The following MACROD2 variants were observed in gnomAD, a reference collection of about 807,000 sequenced individuals.
MACROD2 encodes mono-ADP ribosylhydrolase 2, also known as ADP-ribose glycohydrolase MACROD2.
In MACROD2, 36 loss-of-function variants were observed where a neutral mutation model predicts 70.4. The observed-to-expected ratio is 0.51, with a 90% CI of 0.39 to 0.68. MACROD2 has a LOEUF of 0.68. Among genes scored for constraint, MACROD2 ranks in the 30% least tolerant of loss-of-function variants. The probability of loss-of-function intolerance (pLI) is 0.00; values close to 1 mark genes in which losing one functional copy is unlikely to be tolerated. For synonymous variants in MACROD2, 172 were observed against 178.8 expected (o/e 0.96, Z 0.30); for missense variants, 496 against 538.4 (o/e 0.92, Z 0.78).
intron 7 of MACROD2, among the ~76,000 whole-genome samples, chr20:15,457,111 G>C (rs1305909000): frequency 7.0e-6 from 1 of 143,100 alleles, no homozygotes. Context: ...TATCCCTTGA[G>C]CTGGATGTAT....
intron 6 of MACROD2, among the ~76,000 whole-genome samples, chr20:15,232,672 T>C (rs961985340): frequency 6.6e-6 from 1 of 152,060 alleles, no homozygotes; most frequent in African/African-American, 2.4e-5. Flanking sequence ...TAAGGAAATA[T>C]CACTTATTTC....
chr20:14,817,909 G>A (rs967835746), intron 5 of MACROD2, among the ~76,000 whole-genome samples: 1 of 152,080 alleles, frequency 6.6e-6, no homozygotes, highest in Non-Finnish European at 1.5e-5. Context: ...AGAAAGCACT[G>A]AGCCAATGAG....
intron 4 of MACROD2, among the ~76,000 whole-genome samples, chr20:14,669,019 A>G (rs565199938): frequency 6.6e-6 from 1 of 152,330 alleles, no homozygotes; most frequent in African/African-American, 2.4e-5. Context: ...AGATGTCAAA[A>G]GGAATAATTG....
chr20:15,072,505 T>C (rs964235839), intron 5 of MACROD2, among the ~76,000 whole-genome samples: 2 of 152,204 alleles, frequency 1.3e-5, no homozygotes, highest in African/African-American at 4.8e-5. Flanking sequence ...ACAGTATTTT[T>C]CTGACTCTAG....
At chr20:15,158,119 A>T (rs2076322094) in intron 5 of MACROD2, among the ~76,000 whole-genome samples, 2 of 152,138 alleles carry the variant, frequency 1.3e-5, no homozygotes, top group African/African-American at 4.8e-5. Context: ...AATCACGCCA[A>T]GCTCCCTTGG....
intron 5 of MACROD2, among the ~76,000 whole-genome samples, chr20:15,122,654 A>C (rs1601103138): frequency 6.6e-6 from 1 of 152,122 alleles, no homozygotes; most frequent in Admixed American, 6.5e-5. Context: ...ATTCTTTTTC[A>C]TTAATGTAGA....
At chr20:15,412,442 T>C (rs2046091550) in intron 6 of MACROD2, among the ~76,000 whole-genome samples, 1 of 152,170 alleles carries the variant, frequency 6.6e-6, no homozygotes, top group Non-Finnish European at 1.5e-5. Context: ...AACTAAAACA[T>C]TAAAGCATAG....
chr20:14,337,507 G>A lies in MACROD2; in HGVS notation c.272-155972G>A, dbSNP rs556185536. ...CCCTCCCCCGTCTCCCAAGCTCTGC[G>A]TCCAGTCCACACAAAGCCCACGGCA... On this transcript the variant is annotated intron_variant, in intron 3 of 17. Transcript: ENST00000684519. The A allele has an allele frequency of 4.8e-5, 19 of 398,678 alleles. No individual in the cohort carries two copies. In the South Asian group the frequency reaches 6.4e-4, roughly 13 times the overall value. The allele number at this position is 398,678 out of a possible 1,614,324, so 24.7% of individuals were successfully genotyped here.
chr20:14,403,073 TTA>T (rs1441062521), intron 3 of MACROD2, among the ~76,000 whole-genome samples: 1 of 152,174 alleles, frequency 6.6e-6, no homozygotes, highest in Admixed American at 6.5e-5. Flanking sequence ...ATTTTAAAAA[TTA>T]TGTTTGATAT....
intron 5 of MACROD2, 41 bp downstream of exon 5, chr20:14,685,000 T>C: frequency 6.7e-7 from 1 of 1,490,074 alleles, no homozygotes; most frequent in Non-Finnish European, 9.4e-7. Flanking sequence ...AGATGAGACA[T>C]CTTAACTTGT....
chr20:15,145,754 A>T (rs573338580), intron 5 of MACROD2, among the ~76,000 whole-genome samples: 4 of 152,186 alleles, frequency 2.6e-5, no homozygotes, highest in South Asian at 2.1e-4. Flanking sequence ...TTTTTAATTT[A>T]AAAAAATTTT....
At chr20:15,417,613 A>AAG (rs1194904795) in intron 6 of MACROD2, among the ~76,000 whole-genome samples, 10 of 134,918 alleles carry the variant, frequency 7.4e-5, no homozygotes, top group Non-Finnish European at 1.6e-4. Context: ...AAAAAAAAAA[A>AAG]AAAGAAAGAA....
intron 4 of MACROD2, among the ~76,000 whole-genome samples, chr20:14,567,943 C>A (rs1979917176): frequency 6.6e-6 from 1 of 151,976 alleles, no homozygotes; most frequent in African/African-American, 2.4e-5. Context: ...TAAACACTGG[C>A]AAAACATTAT....
At chr20:15,498,931 G>C (rs2047331378) in intron 7 of MACROD2, among the ~76,000 whole-genome samples, 1 of 152,202 alleles carries the variant, frequency 6.6e-6, no homozygotes, top group Non-Finnish European at 1.5e-5. Context: ...TAGGAAGGCA[G>C]TGGTGAGCTC....
At chr20:14,081,829 A>G (rs1707638484) in intron 2 of MACROD2, among the ~76,000 whole-genome samples, 1 of 152,204 alleles carries the variant, frequency 6.6e-6, no homozygotes, top group Non-Finnish European at 1.5e-5. Context: ...TTAAGTATGT[A>G]CATATCTTTT....
intron 8 of MACROD2, among the ~76,000 whole-genome samples, chr20:15,650,106 G>C (rs2146793858): frequency 6.6e-6 from 1 of 152,236 alleles, no homozygotes; most frequent in South Asian, 2.1e-4. Context: ...AGTAGATAAA[G>C]GGTCATGATT....
intron 3 of MACROD2, among the ~76,000 whole-genome samples, chr20:14,481,331 T>C (rs1281736412): frequency 6.6e-6 from 1 of 152,176 alleles, no homozygotes; most frequent in Non-Finnish European, 1.5e-5. Context: ...TTTTCATCTT[T>C]TTAAATGTCA....
intron 4 of MACROD2, among the ~76,000 whole-genome samples, chr20:14,684,216 C>A (rs2070970834): frequency 6.6e-6 from 1 of 152,118 alleles, no homozygotes; most frequent in Non-Finnish European, 1.5e-5. Context: ...CCTAATCTAC[C>A]CTTGCGCAGC....
At chr20:14,460,994 G>A (rs1461988374) in intron 3 of MACROD2, among the ~76,000 whole-genome samples, 1 of 151,922 alleles carries the variant, frequency 6.6e-6, no homozygotes, top group Non-Finnish European at 1.5e-5. Context: ...AGTTTCAGAG[G>A]GAATGGTACC....
Sources: gnomAD v4.1 joint callset for allele counts (sites outside exome capture counted in the v4.1 genomes callset) on GRCh38, gnomAD v4.1.1 for gene constraint, MANE v1.5 for transcripts, NCBI Gene and HGNC (gene_info 2026-07-23, HGNC 2026-07-21) for gene names.